Variants in CNTN5 observed in about 807,000 individuals in gnomAD.
CNTN5 encodes contactin 5.
Under a neutral mutation model 129.1 loss-of-function variants are expected in CNTN5, and 77 were observed. That is an observed-to-expected ratio of 0.60 (90% CI 0.50 to 0.72). The LOEUF (loss-of-function observed/expected upper bound fraction) is 0.72, where lower values mean the gene tolerates loss of function less well. CNTN5 is among the 30% of genes least tolerant of loss of function. The pLI, the probability that CNTN5 is intolerant of heterozygous loss-of-function variation, is 0.00. For synonymous variants in CNTN5, 509 were observed against 465.6 expected (o/e 1.09, Z -1.20); for missense variants, 1,478 against 1,328.8 (o/e 1.11, Z -1.75).
At chr11:99,596,776 T>C (rs190018432) in intron 3 of CNTN5, among the ~76,000 whole-genome samples, 1 of 152,306 alleles carries the variant, frequency 6.6e-6, no homozygotes, top group East Asian at 1.9e-4. Context: ...CAACTTCTGT[T>C]TGCCAGGCTA....
intron 3 of CNTN5, among the ~76,000 whole-genome samples, chr11:99,639,677 G>A (rs1186316459): frequency 2.1e-5 from 3 of 139,628 alleles, no homozygotes; most frequent in East Asian, 2.2e-4. Flanking sequence ...CGATTCCCCT[G>A]CCTCAGCCTC....
intron 2 of CNTN5, among the ~76,000 whole-genome samples, chr11:99,463,793 T>C (rs1364600508): frequency 2.0e-5 from 3 of 152,066 alleles, no homozygotes; most frequent in Non-Finnish European, 2.9e-5. Flanking sequence ...ATTCTGTAAA[T>C]AAGTATGTAT....
chr11:99,402,521 C>T (rs1242149520), intron 2 of CNTN5, among the ~76,000 whole-genome samples: 2 of 151,960 alleles, frequency 1.3e-5, no homozygotes, highest in Non-Finnish European at 2.9e-5. Flanking sequence ...GGATATTGAC[C>T]TATAGTTTTG....
intron 13 of CNTN5, among the ~76,000 whole-genome samples, chr11:100,151,201 AC>A (rs143518174): frequency 0.13 from 19,307 of 152,136 alleles, 1,203 homozygotes; most frequent in African/African-American, 0.15. Context: ...GTGTAATTAA[AC>A]TTGTATAAGT....
chr11:99,188,391 C>T (rs993172623), intron 1 of CNTN5, among the ~76,000 whole-genome samples: 9 of 151,688 alleles, frequency 5.9e-5, no homozygotes, highest in South Asian at 2.1e-4. Context: ...CATCTGTGTA[C>T]GAGAATGTCC....
At chr11:99,889,857 T>C (rs1345381300) in intron 6 of CNTN5, among the ~76,000 whole-genome samples, 4 of 152,180 alleles carry the variant, frequency 2.6e-5, no homozygotes, top group Non-Finnish European at 4.4e-5. Flanking sequence ...TAGACATTCT[T>C]ATACTTCCAA....
chr11:99,285,230 T>C (rs1863880725), intron 1 of CNTN5, among the ~76,000 whole-genome samples: 2 of 152,180 alleles, frequency 1.3e-5, no homozygotes, highest in Admixed American at 1.3e-4. Flanking sequence ...ATTGCACGTC[T>C]ACTGTACTAA....
At chr11:99,651,238 C>A (rs1385781352) in intron 3 of CNTN5, among the ~76,000 whole-genome samples, 3 of 149,068 alleles carry the variant, frequency 2.0e-5, no homozygotes, top group Non-Finnish European at 3.0e-5. Flanking sequence ...CACAAACAAT[C>A]ATCAAAAATT....
intron 15 of CNTN5, among the ~76,000 whole-genome samples, chr11:100,204,297 A>AATATATATATATATAT (rs10633078): frequency 3.4e-4 from 6 of 17,654 alleles, no homozygotes; most frequent in African/African-American, 5.8e-4. Context: ...AACATTGACT[A>AATATATATATATATAT]ATATATATAT....
intron 3 of CNTN5, among the ~76,000 whole-genome samples, chr11:99,688,256 G>A (rs763008752): frequency 1.2e-4 from 18 of 152,054 alleles, no homozygotes; most frequent in Admixed American, 5.2e-4. Flanking sequence ...TGCCCAGGCC[G>A]GTCTTGAACT....
intron 1 of CNTN5, among the ~76,000 whole-genome samples, chr11:99,291,990 A>G (rs1864189302): frequency 6.6e-6 from 1 of 152,076 alleles, no homozygotes; most frequent in African/African-American, 2.4e-5. Context: ...ACAATATTTG[A>G]TGTAACAAAG....
intron 21 of CNTN5, chr11:100,308,827 T>A: frequency 1.0e-6 from 1 of 987,966 alleles, no homozygotes; most frequent in Non-Finnish European, 1.2e-6. Flanking sequence ...CAAGTTTTCC[T>A]TTTGTACTTT....
At position 100,150,501 on chromosome 11, in the gene CNTN5, G is replaced by A. The variant is rs897657312; in HGVS notation, c.1581-40625G>A. Reference sequence around the variant, plus strand: ...AACAGAATGATTTTATAGGTCCACCGATATTATAAAACTGATTTGTCAGTT... The same window carrying A: ...AACAGAATGATTTTATAGGTCCACCAATATTATAAAACTGATTTGTCAGTT... On this transcript the variant is annotated intron_variant, in intron 13 of 24. Coordinates refer to ENST00000524871, the MANE Select transcript of CNTN5 (RefSeq NM_014361.4). 6.0e-5 allele frequency among the ~76,000 whole-genome samples: 9 copies of A among 149,000 alleles called. No homozygotes were observed. In the East Asian group the frequency reaches 1.7e-3, roughly 28 times the overall value.
At chr11:99,838,217 A>G (rs1017128706) in intron 4 of CNTN5, among the ~76,000 whole-genome samples, 1 of 152,166 alleles carries the variant, frequency 6.6e-6, no homozygotes, top group Non-Finnish European at 1.5e-5. Flanking sequence ...TAACCAAGCT[A>G]AGACTGGATA....
At chr11:100,240,940 A>T (rs116456368) in intron 16 of CNTN5, among the ~76,000 whole-genome samples, 31 of 152,326 alleles carry the variant, frequency 2.0e-4, no homozygotes, top group African/African-American at 7.5e-4. Context: ...AACAAATGTA[A>T]AAGTCCATAT....
chr11:99,667,895 A>G (rs643996), intron 3 of CNTN5, among the ~76,000 whole-genome samples: 150,746 of 152,118 alleles, frequency 0.99, 74,713 homozygotes, highest in East Asian at 1. Context: ...CATGGCACCC[A>G]TATACCTATG....
At chr11:99,968,656 C>CTTTTTTTTTTTTTTTTTTT (rs71050037) in intron 8 of CNTN5, among the ~76,000 whole-genome samples, 3 of 73,908 alleles carry the variant, frequency 4.1e-5, no homozygotes, top group Non-Finnish European at 7.4e-5. Flanking sequence ...GCTTTGGGTA[C>CTTTTTTTTTTTTTTTTTTT]TTTTTTTTTT....
chr11:100,286,156 C>T (rs1006934809), intron 18 of CNTN5, among the ~76,000 whole-genome samples: 1,953 of 152,130 alleles, frequency 0.013, 41 homozygotes, highest in African/African-American at 0.04. Context: ...GATCAAACTG[C>T]AAGGTGGCAG....
chr11:99,982,548 G>A (rs76309406), intron 8 of CNTN5, among the ~76,000 whole-genome samples: 2,371 of 152,268 alleles, frequency 0.016, 66 homozygotes, highest in African/African-American at 0.054. Context: ...TGAAATCACA[G>A]TTTGCTCTTG....
Sources: gnomAD v4.1 joint callset for allele counts (sites outside exome capture counted in the v4.1 genomes callset) on GRCh38, gnomAD v4.1.1 for gene constraint, MANE v1.5 for transcripts, NCBI Gene and HGNC (gene_info 2026-07-23, HGNC 2026-07-21) for gene names.